The following SNRNP35 variants were observed in gnomAD, a reference collection of about 807,000 sequenced individuals.
SNRNP35 encodes the protein U11/U12 small nuclear ribonucleoprotein 35 kDa protein.
SNRNP35 carries 16 observed loss-of-function variants against 24.3 expected under a neutral mutation model. The ratio of observed to expected loss-of-function variants is 0.66; its 90% CI spans 0.45 to 1.00. The LOEUF is 1.00. Among genes scored for constraint, SNRNP35 ranks in the 50% least tolerant of loss-of-function variants. The pLI, the probability that SNRNP35 is intolerant of heterozygous loss-of-function variation, is 0.00. For synonymous variants in SNRNP35, 106 were observed against 124.8 expected (o/e 0.85, Z 1.00); for missense variants, 292 against 327.2 (o/e 0.89, Z 0.83).
rs539117684 is a variant in SNRNP35 at position 123,461,373 on chromosome 12, G to A, written c.-4+3157G>A. ...AATCTCCTGACCTCGTGATCTGCCC[G>A]CCTCGGCCTCCCAAAGTGCTGGGAT... On this transcript the variant is annotated intron_variant, in intron 1 of 1. Transcript: ENST00000526639. Among the ~76,000 whole-genome samples, 102 of 138,142 alleles carry A rather than the reference G, an allele frequency of 7.4e-4. 1 individual carries two copies. Among genetic ancestry groups the A allele is most frequent in the Non-Finnish European group, 1.3e-3 (83 of 63,876 alleles). 90.6% of individuals were successfully genotyped at this position (138,142 alleles called of 152,430 possible).
chr12:123,463,696 G>T lies in SNRNP35; in HGVS notation c.-3-1842G>T, dbSNP rs544960675. On this transcript the variant is annotated intron_variant, in intron 1 of 1. Coordinates refer to ENST00000526639, the MANE Select transcript of SNRNP35 (RefSeq NM_022717.4). Reference sequence around the variant, plus strand: ...ATTACAGGCGTGAGCTACCGCGCTCGCCAGTTTTGTTTTGTTTTTTTTCTT... The same window carrying T: ...ATTACAGGCGTGAGCTACCGCGCTCTCCAGTTTTGTTTTGTTTTTTTTCTT... Among the ~76,000 whole-genome samples the T allele has an allele frequency of 1.7e-4, 26 of 151,838 alleles. 1 individual carries two copies. Among genetic ancestry groups the T allele is most frequent in the Admixed American group, 1.4e-3 (21 of 15,200 alleles).
exon 2 of SNRNP35, chr12:123,472,988 C>T (rs1007333098): frequency 3.6e-6 from 1 of 276,988 alleles, no homozygotes; most frequent in Non-Finnish European, 7.0e-6. Flanking sequence ...CAGTGGAAAT[C>T]AAAAGCTGCT....
rs1880992305 is a variant in SNRNP35, at chr12:123,466,515, A to G, written c.*234A>G. On this transcript the variant is annotated 3_prime_UTR_variant, in exon 2 of 2. Coordinates refer to ENST00000526639, the MANE Select transcript of SNRNP35 (RefSeq NM_022717.4). ...AGGATCAAGAAGCAATTTTGTAGTT[A>G]CTGGCATCTGTACAGAAGGGCATTT... The G allele has an allele frequency of 4.6e-6, 2 of 430,178 alleles. No homozygotes were observed. Among genetic ancestry groups the G allele is most frequent in the Non-Finnish European group, 4.1e-6 (1 of 242,694 alleles). The allele number at this position is 430,178 out of a possible 1,614,324, so 26.6% of individuals were successfully genotyped here. A position where few individuals can be genotyped will look rare whatever the true frequency, so the allele number is the denominator to read the frequency against.
exon 2 of SNRNP35, chr12:123,472,585 C>T (rs773036809): frequency 2.8e-5 from 44 of 1,558,812 alleles, no homozygotes; most frequent in South Asian, 1.3e-4. Flanking sequence ...TAACCGTCAT[C>T]GCGGTGGGTG....
At chr12:123,464,161 G>C (rs577742819) in intron 1 of SNRNP35, among the ~76,000 whole-genome samples, 1 of 151,188 alleles carries the variant, frequency 6.6e-6, no homozygotes, top group South Asian at 2.1e-4. Context: ...TCGAACTCCT[G>C]ACCTCAGGTG....
At chr12:123,469,992 G>C (rs1468839942), downstream of SNRNP35, 1 of 151,836 alleles carries the variant, frequency 6.6e-6, no homozygotes, top group African/African-American at 2.4e-5. Flanking sequence ...TGGTGACATA[G>C]TAAGACCTTG....
intron 1 of SNRNP35, among the ~76,000 whole-genome samples, chr12:123,461,981 A>C (rs1880658525): frequency 6.6e-6 from 1 of 152,106 alleles, no homozygotes; most frequent in African/African-American, 2.4e-5. Context: ...CGGCCTCCCA[A>C]GATGCTGGGA....
chr12:123,459,457 C>T (rs1880479415), intron 1 of SNRNP35: 1 of 151,934 alleles, frequency 6.6e-6, no homozygotes. Flanking sequence ...CTGGCCCCCA[C>T]CATTCATTTC....
intron 1 of SNRNP35, chr12:123,464,674 T>C (rs1306717368): frequency 6.6e-6 from 1 of 152,246 alleles, no homozygotes; most frequent in Non-Finnish European, 1.5e-5. Flanking sequence ...ATGAATTAAC[T>C]ATGTATCAGA....
intron 1 of SNRNP35, chr12:123,459,785 T>C (rs1432018345): frequency 1.3e-6 from 2 of 1,508,782 alleles, no homozygotes; most frequent in African/African-American, 1.4e-5. Flanking sequence ...AGACTTTGTC[T>C]CGAGTAAAAA....
chr12:123,468,377 AAAAG>A (rs1316058101), downstream of SNRNP35, among the ~76,000 whole-genome samples: 1 of 130,686 alleles, frequency 7.7e-6, no homozygotes, highest in South Asian at 2.5e-4. Context: ...AAAAAAAAAG[AAAAG>A]AAAAAAAGAA....
At chr12:123,472,868 C>G (rs758673770) in exon 2 of SNRNP35, 18 of 608,012 alleles carry the variant, frequency 3.0e-5, no homozygotes, top group Non-Finnish European at 4.6e-5. Context: ...TTCTGCGTGT[C>G]ATTTGGACAC....
intron 1 of SNRNP35, among the ~76,000 whole-genome samples, chr12:123,458,685 T>A (rs1880425579): frequency 6.8e-6 from 1 of 147,802 alleles, no homozygotes; most frequent in South Asian, 2.2e-4. Flanking sequence ...AACCTCCGCC[T>A]CCTGGGTTCA....
chr12:123,466,127 C>T lies in SNRNP35; in HGVS notation c.587C>T (p.Ser196Leu), dbSNP rs146087320. 14 of 1,611,712 alleles carry T rather than the reference C, an allele frequency of 8.7e-6. No homozygotes were observed. In the Admixed American group the frequency reaches 1.5e-4, roughly 17 times the overall value. ...RSRSRERHWD[S>L]RTRDRDHDRG... is the part of the protein sequence containing the mutation. ...CGATCCCGAGAAAGACACTGGGACTCGAGGACAAGGGATCGAGACCATGAC... is the reference window on the plus strand; with the variant it reads ...CGATCCCGAGAAAGACACTGGGACTTGAGGACAAGGGATCGAGACCATGAC... Residue 196 changes from serine to leucine, a missense_variant, in exon 2 of 2, where the codon TCG becomes TTG. Coordinates refer to ENST00000526639, the MANE Select transcript of SNRNP35 (RefSeq NM_022717.4).
chr12:123,472,407 C>G, exon 2 of SNRNP35: 2 of 914,504 alleles, frequency 2.2e-6, no homozygotes, highest in Non-Finnish European at 3.3e-6. Flanking sequence ...ATCAGACAGT[C>G]TGTTTGAGGG....
rs1427331852 is a variant in SNRNP35 at position 123,465,187 on chromosome 12, G to C, written c.-3-351G>C. Among the ~76,000 whole-genome samples the C allele has an allele frequency of 2.0e-5, 3 of 152,224 alleles. No homozygotes were observed. The highest frequency in any genetic ancestry group is 4.4e-5 in the Non-Finnish European group (3 of 68,042). On this transcript the variant is annotated intron_variant, in intron 1 of 1. Coordinates refer to ENST00000526639, the MANE Select transcript of SNRNP35 (RefSeq NM_022717.4). This position sits in a 1 kb window ranked among gnomAD's most constrained non-coding sequence, Gnocchi z 4.2. ...TCATTTTAAAGGTTCTGAAAGAGAA[G>C]TCTGGTTTTGATCCACGTTGCCACA...
exon 2 of SNRNP35, chr12:123,472,822 T>A (rs1881289812): frequency 1.2e-6 from 1 of 869,194 alleles, no homozygotes; most frequent in South Asian, 1.7e-5. Flanking sequence ...AAGTTGGGGG[T>A]GCAGGTCAAA....
At chr12:123,461,178 G>A (rs913174254) in intron 1 of SNRNP35, among the ~76,000 whole-genome samples, 1 of 150,678 alleles carries the variant, frequency 6.6e-6, no homozygotes, top group Non-Finnish European at 1.5e-5. Flanking sequence ...TGCAATGGCG[G>A]GATCTCAGCT....
At chr12:123,464,760 GGATTATCA>G (rs1318289546) in intron 1 of SNRNP35, 1 of 152,154 alleles carries the variant, frequency 6.6e-6, no homozygotes, top group Non-Finnish European at 1.5e-5. Context: ...CAGTCTAAAC[GGATTATCA>G]GCTAGGGATC....
Sources: allele counts gnomAD v4.1 joint callset (sites outside exome capture counted in the v4.1 genomes callset), GRCh38; gene constraint gnomAD v4.1.1; non-coding constraint Gnocchi (gnomAD v3.1); transcripts MANE v1.5; gene names NCBI Gene and HGNC (gene_info 2026-07-23, HGNC 2026-07-21).